The following HIVEP2 variants were observed in gnomAD, a reference collection of about 807,000 sequenced individuals.
HIVEP2 encodes HIVEP zinc finger 2, also known as transcription factor HIVEP2.
In HIVEP2, 14 loss-of-function variants were observed where a neutral mutation model predicts 180.7. The observed-to-expected ratio is 0.08, with a 90% CI of 0.05 to 0.12. The LOEUF (loss-of-function observed/expected upper bound fraction) is 0.12. Among genes scored for constraint, HIVEP2 ranks in the 10% least tolerant of loss-of-function variants. The pLI is 1.00. For synonymous variants in HIVEP2, 1,184 were observed against 1,136.4 expected (o/e 1.04, Z -0.84); for missense variants, 2,579 against 3,008.5 (o/e 0.86, Z 3.34).
chr6:142,757,777 G>A (rs1775115142), intron 9 of HIVEP2, among the ~76,000 whole-genome samples: 2 of 152,090 alleles, frequency 1.3e-5, no homozygotes, highest in Admixed American at 6.5e-5. Context: ...AACTTTCTGG[G>A]CATGTATCTA....
At chr6:142,802,505 C>G (rs1303897893) in intron 2 of HIVEP2, among the ~76,000 whole-genome samples, 1 of 151,598 alleles carries the variant, frequency 6.6e-6, no homozygotes, top group South Asian at 2.1e-4. Flanking sequence ...ACATCTGAGT[C>G]TTGGCCATGA....
intron 1 of HIVEP2, among the ~76,000 whole-genome samples, chr6:142,916,310 T>C (rs1247182286): frequency 6.6e-6 from 1 of 152,224 alleles, no homozygotes. Flanking sequence ...TTCATCCCCA[T>C]GTCTGAACAA....
chr6:142,785,534 T>G (rs1264993900), intron 2 of HIVEP2, among the ~76,000 whole-genome samples: 1 of 152,030 alleles, frequency 6.6e-6, no homozygotes, highest in Non-Finnish European at 1.5e-5. Flanking sequence ...AGAGCTTAAT[T>G]TTCAGTAGGC....
chr6:142,823,127 C>T (rs901830624), intron 2 of HIVEP2, among the ~76,000 whole-genome samples: 1 of 152,172 alleles, frequency 6.6e-6, no homozygotes, highest in Admixed American at 6.5e-5. Context: ...CAGGAAGGAA[C>T]CCCTCTGCCG....
intron 2 of HIVEP2, among the ~76,000 whole-genome samples, chr6:142,825,287 T>C (rs1198052991): frequency 6.7e-6 from 1 of 149,704 alleles, no homozygotes; most frequent in Non-Finnish European, 1.5e-5. Flanking sequence ...AAAGTCCAAT[T>C]ACACACACAC....
In HIVEP2 at chr6:142,825,474, C is replaced by T. The variant is rs559514115; in HGVS notation, c.-528+11461G>A. Among the ~76,000 whole-genome samples, 9 of 152,254 alleles carry T rather than the reference C, an allele frequency of 5.9e-5. No homozygotes were observed. In the South Asian group the frequency reaches 1.7e-3, roughly 28 times the overall value. On this transcript the variant is annotated intron_variant, in intron 2 of 9. Transcript: ENST00000367603. ...CCAGTTAATCACTGAGCCCTCCCAC[C>T]ACAGCTAACCACTCACATTGTTGCC... is the stretch of plus-strand genomic sequence containing the variant.
chr6:142,829,808 C>T (rs1376960334), intron 2 of HIVEP2, among the ~76,000 whole-genome samples: 1 of 152,198 alleles, frequency 6.6e-6, no homozygotes, highest in Non-Finnish European at 1.5e-5. Context: ...AAAATTTCCA[C>T]TTAAGGATGA....
chr6:142,795,940 G>A (rs1333935956), intron 2 of HIVEP2, among the ~76,000 whole-genome samples: 1 of 152,116 alleles, frequency 6.6e-6, no homozygotes, highest in Non-Finnish European at 1.5e-5. Context: ...ATCCCTGTTG[G>A]AGCTTGAGTT....
intron 1 of HIVEP2, among the ~76,000 whole-genome samples, chr6:142,889,670 C>T (rs1776805829): frequency 6.6e-6 from 1 of 152,182 alleles, no homozygotes; most frequent in Non-Finnish European, 1.5e-5. Context: ...ATAACATACA[C>T]TGTGTGCCTC....
chr6:142,892,027 A>G (rs916902201), intron 1 of HIVEP2, among the ~76,000 whole-genome samples: 2 of 152,244 alleles, frequency 1.3e-5, no homozygotes, highest in African/African-American at 4.8e-5. Context: ...ATGCAGGCAC[A>G]GGGGTCCCAG....
intron 1 of HIVEP2, among the ~76,000 whole-genome samples, chr6:142,944,242 C>A (rs1192037460): frequency 6.6e-6 from 1 of 152,202 alleles, no homozygotes; most frequent in East Asian, 1.9e-4. Context: ...GTCGCATTTT[C>A]TCATGTCCTC....
chr6:142,794,733 T>C (rs1415433970), intron 2 of HIVEP2, among the ~76,000 whole-genome samples: 4 of 152,228 alleles, frequency 2.6e-5, no homozygotes, highest in Admixed American at 6.5e-5. Flanking sequence ...ACACAAATCC[T>C]GTGCAGTGTA....
chr6:142,927,690 T>C (rs1224804548), intron 1 of HIVEP2, among the ~76,000 whole-genome samples: 2 of 152,186 alleles, frequency 1.3e-5, no homozygotes, highest in African/African-American at 4.8e-5. Flanking sequence ...AACAAAACCT[T>C]TAGCCAGAGT....
chr6:142,792,523 A>G (rs1271238382), intron 2 of HIVEP2, among the ~76,000 whole-genome samples: 1 of 152,108 alleles, frequency 6.6e-6, no homozygotes, highest in Admixed American at 6.6e-5. Flanking sequence ...GAACACACGG[A>G]CACAGGAAGG....
intron 2 of HIVEP2, among the ~76,000 whole-genome samples, chr6:142,832,709 G>A (rs1248906487): frequency 6.6e-6 from 1 of 152,196 alleles, no homozygotes; most frequent in Non-Finnish European, 1.5e-5. Context: ...AGTGAAAACT[G>A]TAACTGCCAA....
chr6:142,866,431 T>G (rs1489963427), intron 1 of HIVEP2, among the ~76,000 whole-genome samples: 1 of 152,182 alleles, frequency 6.6e-6, no homozygotes, highest in Admixed American at 6.5e-5. Flanking sequence ...TCTACAACCC[T>G]TATTTCCCAT....
At position 142,772,491 on chromosome 6, in the gene HIVEP2, G is replaced by T. The variant is rs567692069; in HGVS notation, c.2248C>A (p.Leu750Ile). Residue 750 changes from leucine (L) to isoleucine (I), a missense_variant, in exon 5 of 10, where the codon CTT becomes ATT. Physicochemically the swap from Leu to Ile is conservative, Grantham distance 5. Coordinates refer to ENST00000367603, the MANE Select transcript of HIVEP2 (RefSeq NM_006734.4). The surrounding 1 kb of genome is among the most constrained non-coding windows in gnomAD (Gnocchi z 4.9). ...SGFAMAGHEN[L>I]SHGHTERFDP... ...AAGCGTTCCGTGTGACCATGAGAAA[G>T]GTTTTCGTGTCCAGCCATGGCAAAT... The T allele has an allele frequency of 4.3e-6, 7 of 1,614,124 alleles. No individual in the cohort carries two copies. The Admixed American group carries it at 5.0e-5, about 12-fold the overall frequency.
intron 2 of HIVEP2, among the ~76,000 whole-genome samples, chr6:142,787,770 A>C (rs1776041719): frequency 6.6e-6 from 1 of 152,256 alleles, no homozygotes; most frequent in South Asian, 2.1e-4. Context: ...GTAATGGATG[A>C]GGTTGGGGTT....
intron 2 of HIVEP2, among the ~76,000 whole-genome samples, chr6:142,820,772 C>G (rs1777012519): frequency 6.6e-6 from 1 of 151,978 alleles, no homozygotes; most frequent in South Asian, 2.1e-4. Context: ...ACAAGTGGAA[C>G]AGTACACCTC....
Sources: gnomAD v4.1 joint callset for allele counts (sites outside exome capture counted in the v4.1 genomes callset) on GRCh38, gnomAD v4.1.1 for gene constraint, Gnocchi (gnomAD v3.1) non-coding constraint, MANE v1.5 for transcripts, NCBI Gene and HGNC (gene_info 2026-07-23, HGNC 2026-07-21) for gene names.